Variants in DPP10 observed in about 807,000 individuals in gnomAD.
DPP10 encodes the protein inactive dipeptidyl peptidase 10.
DPP10 carries 33 observed loss-of-function variants against 120.9 expected under a neutral mutation model. The ratio of observed to expected loss-of-function variants is 0.27; its 90% CI spans 0.21 to 0.37. The LOEUF (loss-of-function observed/expected upper bound fraction) is 0.37, where lower values mean the gene tolerates loss of function less well. Among genes scored for constraint, DPP10 ranks in the 10% least tolerant of loss-of-function variants. The pLI is 1.00. For missense variants in DPP10, 816 were observed against 942.8 expected, an observed-to-expected ratio of 0.87 and a Z score of 1.76; for synonymous variants, 337 against 326.1, an observed-to-expected ratio of 1.03 and a Z score of -0.36.
At chr2:114,782,906 A>T (rs1006114398) in intron 1 of DPP10, among the ~76,000 whole-genome samples, 1 of 152,094 alleles carries the variant, frequency 6.6e-6, no homozygotes, top group Non-Finnish European at 1.5e-5. Flanking sequence ...GCTTTTTGTT[A>T]CAAAAAGAGG....
chr2:115,187,494 C>G (rs993453306), intron 1 of DPP10, among the ~76,000 whole-genome samples: 2 of 152,130 alleles, frequency 1.3e-5, no homozygotes, highest in Non-Finnish European at 2.9e-5. Context: ...GATTCACCAG[C>G]ATATACATGG....
At chr2:115,649,153 C>T (rs545141645) in intron 5 of DPP10, among the ~76,000 whole-genome samples, 1 of 152,160 alleles carries the variant, frequency 6.6e-6, no homozygotes. Context: ...GTATTAATGA[C>T]AGGAAGTAAT....
At chr2:115,246,577 G>A (rs575352599) in intron 1 of DPP10, among the ~76,000 whole-genome samples, 2 of 152,196 alleles carry the variant, frequency 1.3e-5, no homozygotes, top group South Asian at 4.2e-4. Context: ...GTTTATTGTA[G>A]CATCTGGGCG....
intron 1 of DPP10, among the ~76,000 whole-genome samples, chr2:114,788,379 C>T (rs570370269): frequency 1.5e-4 from 22 of 151,698 alleles, no homozygotes; most frequent in African/African-American, 5.3e-4. Context: ...AATAAATTCT[C>T]AGTAGTTGAA....
At chr2:115,630,356 A>G (rs1233948602) in intron 5 of DPP10, among the ~76,000 whole-genome samples, 1 of 152,048 alleles carries the variant, frequency 6.6e-6, no homozygotes, top group Non-Finnish European at 1.5e-5. Flanking sequence ...CTGCAAATAG[A>G]GACAGTTTGA....
intron 1 of DPP10, among the ~76,000 whole-genome samples, chr2:115,014,874 A>AAT (rs1702521255): frequency 6.6e-6 from 1 of 151,510 alleles, no homozygotes; most frequent in East Asian, 1.9e-4. Context: ...AAAAAAAAAA[A>AAT]AAAAAGCATG....
chr2:114,827,177 A>G (rs1030845817), intron 1 of DPP10, among the ~76,000 whole-genome samples: 4 of 152,150 alleles, frequency 2.6e-5, no homozygotes, highest in African/African-American at 9.7e-5. Context: ...CTCTGAATAT[A>G]GAGACTTTAT....
rs149755916 is a variant in DPP10 at position 115,416,128 on chromosome 2, T to C, written c.271+72216T>C. On this transcript the variant is annotated intron_variant, in intron 3 of 25. Transcript: ENST00000410059. The stretch of plus-strand genomic sequence containing the variant: ...CAATACTTGAAATTATATTTTGCTG[T>C]TTGCAATTAAGATGCACTGCAGAAT... Among the ~76,000 whole-genome samples the C allele has an allele frequency of 2.0e-5, 3 of 152,096 alleles. No homozygotes were observed. The East Asian group carries it at 5.8e-4, about 30-fold the overall frequency.
intron 1 of DPP10, among the ~76,000 whole-genome samples, chr2:114,769,176 A>G (rs1438034825): frequency 6.6e-6 from 1 of 152,186 alleles, no homozygotes; most frequent in African/African-American, 2.4e-5. Flanking sequence ...CTGAAGAGGC[A>G]CAGTGGTGTG....
intron 1 of DPP10, 41 bp from the exon 2 acceptor site, chr2:115,309,198 G>T: frequency 6.7e-7 from 1 of 1,489,248 alleles, no homozygotes; most frequent in East Asian, 2.3e-5. Flanking sequence ...ATTTCTCTTG[G>T]AGCATGAATA....
intron 21 of DPP10, among the ~76,000 whole-genome samples, chr2:115,835,901 A>T (rs1689435988): frequency 2.0e-5 from 3 of 152,090 alleles, no homozygotes; most frequent in Non-Finnish European, 4.4e-5. Context: ...AATTAATTTT[A>T]TATTTTACTT....
intron 1 of DPP10, among the ~76,000 whole-genome samples, chr2:114,600,950 A>G (rs1032271828): frequency 2.6e-5 from 4 of 151,834 alleles, no homozygotes; most frequent in African/African-American, 9.7e-5. Flanking sequence ...GGAACACTTT[A>G]AAAGAGTTGA....
chr2:115,259,686 G>A (rs1276661911), intron 1 of DPP10, among the ~76,000 whole-genome samples: 2 of 151,992 alleles, frequency 1.3e-5, no homozygotes, highest in Non-Finnish European at 2.9e-5. Context: ...ACATATTGCT[G>A]CCCTATGTAC....
intron 5 of DPP10, among the ~76,000 whole-genome samples, chr2:115,544,596 C>G (rs556518426): frequency 6.6e-6 from 1 of 152,110 alleles, no homozygotes; most frequent in Non-Finnish European, 1.5e-5. Flanking sequence ...CTTAGTTAAG[C>G]CTTTCCTCCC....
intron 1 of DPP10, among the ~76,000 whole-genome samples, chr2:114,818,990 T>C (rs2106349542): frequency 6.6e-6 from 1 of 152,246 alleles, no homozygotes; most frequent in African/African-American, 2.4e-5. Context: ...TTTTCATTAA[T>C]TGACTTAGTG....
Position 115,195,305 on chromosome 2 carries a change from G to A in DPP10, c.61-113934G>A, listed in dbSNP as rs186170425. Among the ~76,000 whole-genome samples the A allele has an allele frequency of 3.4e-4, 52 of 152,248 alleles. 1 individual carries two copies. The South Asian group carries it at 9.1e-3, about 27-fold the overall frequency. The stretch of plus-strand genomic sequence containing the variant: ...AGGAGTAAATGTTGTTTATGTTTAA[G>A]CATGATAATATAACCATACCTCACC... On this transcript the variant is annotated intron_variant, in intron 1 of 25. Transcript: ENST00000410059.
rs890405579 is a variant in DPP10, at chr2:115,067,504, G to A, written c.61-241735G>A. Reference sequence around the variant, plus strand: ...CCTGACCTCGTGATCCCCCCGCCTCGGCCTCCCAAAGTGCTGGGATCACAG... The same window carrying A: ...CCTGACCTCGTGATCCCCCCGCCTCAGCCTCCCAAAGTGCTGGGATCACAG... On this transcript the variant is annotated intron_variant, in intron 1 of 25. Transcript: ENST00000410059. 1.3e-4 allele frequency among the ~76,000 whole-genome samples: 19 copies of A among 148,074 alleles called. No individual in the cohort carries two copies. In the South Asian group the frequency reaches 2.7e-3, roughly 21 times the overall value.
chr2:115,688,044 G>GAA (rs2091103465), intron 5 of DPP10, among the ~76,000 whole-genome samples: 1 of 152,046 alleles, frequency 6.6e-6, no homozygotes, highest in Non-Finnish European at 1.5e-5. Context: ...AAGAGAGAGA[G>GAA]AGAGAGAGAG....
chr2:114,785,053 GCT>G (rs2106210694), intron 1 of DPP10, among the ~76,000 whole-genome samples: 1 of 152,240 alleles, frequency 6.6e-6, no homozygotes, highest in South Asian at 2.1e-4. Flanking sequence ...TAACTTGTTG[GCT>G]CTCTAGGGAA....
Sources: gnomAD v4.1 joint callset for allele counts (sites outside exome capture counted in the v4.1 genomes callset) on GRCh38, gnomAD v4.1.1 for gene constraint, MANE v1.5 for transcripts, NCBI Gene and HGNC (gene_info 2026-07-23, HGNC 2026-07-21) for gene names.